The following GRM1 variants were observed in gnomAD, a reference collection of about 807,000 sequenced individuals.
The protein encoded by GRM1 is metabotropic glutamate receptor 1.
GRM1 carries 33 observed loss-of-function variants against 90.9 expected under a neutral mutation model. The observed-to-expected ratio is 0.36, with a 90% CI of 0.28 to 0.49. The LOEUF (loss-of-function observed/expected upper bound fraction) is 0.49. Ranked by LOEUF, GRM1 falls within the 20% of genes least tolerant of loss-of-function variation. The pLI, the probability that GRM1 is intolerant of heterozygous loss-of-function variation, is 0.99. For missense variants in GRM1, 1,190 were observed against 1,534.3 expected (o/e 0.78, Z 3.75); for synonymous variants, 700 against 613.2 (o/e 1.14, Z -2.09).
chr6:146,245,676 A>C (rs980637170), intron 2 of GRM1, among the ~76,000 whole-genome samples: 6 of 152,198 alleles, frequency 3.9e-5, no homozygotes, highest in African/African-American at 1.4e-4. Context: ...CCTACACTTC[A>C]TAATTTCAAG....
intron 1 of GRM1, among the ~76,000 whole-genome samples, chr6:146,033,498 AT>A (rs1295071418): frequency 1.3e-5 from 2 of 151,980 alleles, no homozygotes; most frequent in African/African-American, 4.8e-5. Context: ...AGCTACAAGA[AT>A]TTTTTTTGAG....
chr6:146,032,327 C>T (rs1790736808), intron 1 of GRM1, among the ~76,000 whole-genome samples: 1 of 152,120 alleles, frequency 6.6e-6, no homozygotes, highest in Non-Finnish European at 1.5e-5. Context: ...ATTCACCTTG[C>T]CATTCATATA....
intron 2 of GRM1, among the ~76,000 whole-genome samples, chr6:146,200,087 T>C (rs1779253132): frequency 6.6e-6 from 1 of 151,916 alleles, no homozygotes; most frequent in African/African-American, 2.4e-5. Context: ...TGTTTCAGGG[T>C]TCCAGATTTT....
chr6:146,213,510 A>G (rs1019664776), intron 2 of GRM1, among the ~76,000 whole-genome samples: 3 of 152,180 alleles, frequency 2.0e-5, no homozygotes, highest in African/African-American at 7.2e-5. Context: ...TTTCAATTTT[A>G]CACATTATTG....
intron 1 of GRM1, among the ~76,000 whole-genome samples, chr6:146,073,947 T>C (rs1776099537): frequency 6.6e-6 from 1 of 152,150 alleles, no homozygotes; most frequent in Admixed American, 6.6e-5. Context: ...TTTAGAAATA[T>C]TGATCCTAAA....
At chr6:146,240,200 T>C (rs1780803032) in intron 2 of GRM1, among the ~76,000 whole-genome samples, 1 of 151,910 alleles carries the variant, frequency 6.6e-6, no homozygotes, top group Non-Finnish European at 1.5e-5. Flanking sequence ...TTCAGGGCCA[T>C]GTAGAACCGT....
intron 2 of GRM1, among the ~76,000 whole-genome samples, chr6:146,235,701 CGTGTGTGTGTGT>C (rs71028383): frequency 0.011 from 1,151 of 102,840 alleles, 22 homozygotes; most frequent in African/African-American, 0.038. Context: ...TCTCTGTTAC[CGTGTGTGTGTGT>C]GTGTGTGTGT....
At chr6:146,199,854 C>T (rs932595858) in intron 2 of GRM1, among the ~76,000 whole-genome samples, 1 of 152,094 alleles carries the variant, frequency 6.6e-6, no homozygotes, top group Non-Finnish European at 1.5e-5. Flanking sequence ...CCCATCTCTA[C>T]TAAAAATACA....
chr6:146,270,804 G>A (rs561433165), intron 2 of GRM1, among the ~76,000 whole-genome samples: 103 of 151,688 alleles, frequency 6.8e-4, no homozygotes, highest in African/African-American at 2.3e-3. Context: ...ACCCACTAAA[G>A]ATTTTCTTTT....
At chr6:146,066,985 A>G (rs1318407603) in intron 1 of GRM1, among the ~76,000 whole-genome samples, 1 of 152,192 alleles carries the variant, frequency 6.6e-6, no homozygotes, top group Non-Finnish European at 1.5e-5. Context: ...TATAGTCTGG[A>G]TGTAATTTTA....
chr6:146,057,807 T>C (rs560238788), intron 1 of GRM1, among the ~76,000 whole-genome samples: 3 of 152,242 alleles, frequency 2.0e-5, no homozygotes, highest in African/African-American at 4.8e-5. Flanking sequence ...GAAAAAGATT[T>C]GATATGTTCC....
chr6:146,086,260 T>G (rs955705117), intron 1 of GRM1, among the ~76,000 whole-genome samples: 3 of 152,202 alleles, frequency 2.0e-5, no homozygotes, highest in African/African-American at 7.2e-5. Flanking sequence ...AAACTCTGAT[T>G]TGCTCCTCTT....
chr6:146,284,217 T>A (rs1184854587), intron 2 of GRM1, among the ~76,000 whole-genome samples: 1 of 152,188 alleles, frequency 6.6e-6, no homozygotes, highest in African/African-American at 2.4e-5. Flanking sequence ...ATGTTATTAC[T>A]ATTAGTAATA....
At chr6:146,300,605 T>G (rs929681098) in intron 2 of GRM1, among the ~76,000 whole-genome samples, 3 of 152,202 alleles carry the variant, frequency 2.0e-5, no homozygotes. Flanking sequence ...AATATATAGT[T>G]TTATTTCCAG....
chr6:146,314,051 C>CTTTTTTTTTTTTTTTTT lies in GRM1; in HGVS notation c.1186+9221_1186+9237dup, dbSNP rs552986343. 3.2e-5 allele frequency among the ~76,000 whole-genome samples: 2 copies of CTTTTTTTTTTTTTTTTT among 61,960 alleles called. 1 individual carries two copies. The highest frequency in any genetic ancestry group is 5.2e-5 in the Non-Finnish European group (2 of 38,220). 40.6% of individuals were successfully genotyped at this position (61,960 alleles called of 152,430 possible). A position where few individuals can be genotyped will look rare whatever the true frequency, so the allele number is the denominator to read the frequency against. ...CACTGTATATATCAATAGTTAATTC[C>CTTTTTTTTTTTTTTTTT]TTTTTTTTTTTTTTTTTTTTTTTTT... On this transcript the variant is annotated intron_variant, in intron 3 of 7. Coordinates refer to ENST00000282753, the MANE Select transcript of GRM1 (RefSeq NM_001278064.2).
intron 7 of GRM1, among the ~76,000 whole-genome samples, chr6:146,414,550 C>T (rs1192004488): frequency 2.6e-5 from 4 of 151,930 alleles, no homozygotes; most frequent in Non-Finnish European, 4.4e-5. Context: ...CTACAGGCGC[C>T]CGCCACCACG....
intron 2 of GRM1, among the ~76,000 whole-genome samples, chr6:146,297,099 A>G (rs973375757): frequency 6.6e-6 from 1 of 151,894 alleles, no homozygotes; most frequent in East Asian, 1.9e-4. Flanking sequence ...TTTTTTGTAT[A>G]TACTTCTGTA....
intron 2 of GRM1, among the ~76,000 whole-genome samples, chr6:146,239,355 A>G (rs1268803086): frequency 1.3e-5 from 2 of 151,420 alleles, no homozygotes; most frequent in East Asian, 3.9e-4. Context: ...TTCTGTAGGA[A>G]GTTCTGAAAT....
Position 146,352,465 on chromosome 6 carries a change from T to C in GRM1, c.1402T>C (p.Trp468Arg). The change falls in exon 4 of 8, where the codon TGG (tryptophan) becomes CGG (arginine). Residue 468 changes from tryptophan to arginine, a missense_variant. Physicochemically the swap from Trp to Arg is moderately radical, Grantham distance 101. Transcript: ENST00000282753. ...SFIGVSGEEVWFDEKGDAPGR... is the reference protein window; with the variant it reads ...SFIGVSGEEVRFDEKGDAPGR... ...CATTGGAGTATCTGGAGAGGAGGTG[T>C]GGTTTGATGAGAAAGGAGACGCTCC... The C allele has an allele frequency of 3.7e-6, 6 of 1,613,722 alleles. No individual in the cohort carries two copies. Among genetic ancestry groups the C allele is most frequent in the Non-Finnish European group, 5.1e-6 (6 of 1,179,694 alleles).
Sources: gnomAD v4.1 joint callset for allele counts (sites outside exome capture counted in the v4.1 genomes callset) on GRCh38, gnomAD v4.1.1 for gene constraint, MANE v1.5 for transcripts, NCBI Gene and HGNC (gene_info 2026-07-23, HGNC 2026-07-21) for gene names.